Variants in MAGI2 observed in about 807,000 individuals in gnomAD.
MAGI2 encodes membrane associated guanylate kinase, WW and PDZ domain containing 2, also known as membrane-associated guanylate kinase, WW and PDZ domain-containing protein 2.
MAGI2 carries 35 observed loss-of-function variants against 133.3 expected under a neutral mutation model. That is an observed-to-expected ratio of 0.26 (90% confidence interval 0.20 to 0.35). The LOEUF (loss-of-function observed/expected upper bound fraction) is 0.35, where lower values mean the gene tolerates loss of function less well. Ranked by LOEUF, MAGI2 falls within the 10% of genes least tolerant of loss-of-function variation. The pLI is 1.00. For missense variants in MAGI2, 1,636 were observed against 1,863.4 expected (o/e 0.88, Z 2.25); for synonymous variants, 729 against 710.6 (o/e 1.03, Z -0.41).
chr7:78,672,030 G>T (rs1001980927), intron 2 of MAGI2, among the ~76,000 whole-genome samples: 2 of 152,116 alleles, frequency 1.3e-5, no homozygotes, highest in African/African-American at 4.8e-5. Context: ...TAGCTTGTAA[G>T]GCCCAAAATG....
At chr7:78,297,846 GA>G (rs1797431087) in intron 9 of MAGI2, among the ~76,000 whole-genome samples, 1 of 112,104 alleles carries the variant, frequency 8.9e-6, no homozygotes, top group African/African-American at 3.3e-5. Context: ...GGGGGAGGGG[GA>G]GGGGGGAGGG....
At chr7:78,286,859 A>C (rs144313125) in intron 9 of MAGI2, among the ~76,000 whole-genome samples, 13 of 152,272 alleles carry the variant, frequency 8.5e-5, no homozygotes, top group African/African-American at 2.9e-4. Flanking sequence ...TTTTCTGATA[A>C]AGACCAGGCA....
chr7:78,955,730 T>TTTC, intron 2 of MAGI2, among the ~76,000 whole-genome samples: 1 of 39,124 alleles, frequency 2.6e-5, no homozygotes, highest in African/African-American at 8.1e-5. Flanking sequence ...TTTCTCTTTC[T>TTTC]TTCTTTCTTT....
At chr7:78,408,804 A>G (rs1562956278) in intron 6 of MAGI2, among the ~76,000 whole-genome samples, 1 of 152,142 alleles carries the variant, frequency 6.6e-6, no homozygotes, top group Non-Finnish European at 1.5e-5. Flanking sequence ...AATGAGTTAA[A>G]TTAGATGTAT....
chr7:78,949,789 A>G (rs1438853801), intron 2 of MAGI2, among the ~76,000 whole-genome samples: 3 of 152,200 alleles, frequency 2.0e-5, no homozygotes, highest in Non-Finnish European at 4.4e-5. Flanking sequence ...ATGAAGGTGC[A>G]TCTCTCACAT....
intron 5 of MAGI2, among the ~76,000 whole-genome samples, chr7:78,497,773 T>TGTCTGTC (rs1794259068): frequency 2.0e-5 from 3 of 151,548 alleles, no homozygotes; most frequent in Non-Finnish European, 2.9e-5. Flanking sequence ...TCTTTCTATC[T>TGTCTGTC]TATACACAGA....
At chr7:79,028,156 G>A (rs1810087535) in intron 1 of MAGI2, among the ~76,000 whole-genome samples, 1 of 148,294 alleles carries the variant, frequency 6.7e-6, no homozygotes, top group Non-Finnish European at 1.5e-5. Context: ...AGGTTGCAGT[G>A]AACCAAAATC....
At chr7:79,193,216 C>G (rs1827818587) in intron 1 of MAGI2, among the ~76,000 whole-genome samples, 1 of 151,870 alleles carries the variant, frequency 6.6e-6, no homozygotes, top group Non-Finnish European at 1.5e-5. Flanking sequence ...GACCAAGGAA[C>G]CTTATCATAG....
intron 2 of MAGI2, among the ~76,000 whole-genome samples, chr7:78,668,005 C>A (rs1224407697): frequency 6.6e-6 from 1 of 152,082 alleles, no homozygotes; most frequent in East Asian, 1.9e-4. Flanking sequence ...ACAGTCCCAC[C>A]AACAGTGTAA....
rs185217796 is a variant in MAGI2, at chr7:79,228,361, A to T, written c.302-221155T>A. ...CTGTCTCAAAAAAACAGGCAAAAAA[A>T]AAAAAAAAAGATCGTGGGATTGTCT... is the stretch of plus-strand genomic sequence containing the variant. On this transcript the variant is annotated intron_variant, in intron 1 of 21. Coordinates refer to ENST00000354212, the MANE Select transcript of MAGI2 (RefSeq NM_012301.4). 2.5e-3 allele frequency among the ~76,000 whole-genome samples: 369 copies of T among 146,100 alleles called. 52 individuals are homozygous for T. The highest frequency in any genetic ancestry group is 4.1e-3 in the Non-Finnish European group (268 of 66,062).
intron 2 of MAGI2, among the ~76,000 whole-genome samples, chr7:78,750,237 T>A (rs778555020): frequency 2.6e-5 from 4 of 152,194 alleles, no homozygotes; most frequent in Non-Finnish European, 4.4e-5. Flanking sequence ...CTGGATAGTA[T>A]TCCATGGTGT....
At chr7:79,008,828 G>A (rs575797459) in intron 1 of MAGI2, 1 of 152,214 alleles carries the variant, frequency 6.6e-6, no homozygotes, top group East Asian at 1.9e-4. Flanking sequence ...CACTAAAATA[G>A]CTAATAGTTT....
rs529877040 is a variant in MAGI2 at position 79,078,238 on chromosome 7, A to G, written c.302-71032T>C. ...CAGCACTCAATGCATGTCTCAGGCT[A>G]TTTAAGTGTTCTCCACAGAGTTCTT... is the stretch of plus-strand genomic sequence containing the variant. On this transcript the variant is annotated intron_variant, in intron 1 of 21. Coordinates refer to ENST00000354212, the MANE Select transcript of MAGI2 (RefSeq NM_012301.4). Among the ~76,000 whole-genome samples, 16 of 152,322 alleles carry G rather than the reference A, an allele frequency of 1.1e-4. No homozygotes were observed. In the South Asian group the frequency reaches 2.7e-3, roughly 26 times the overall value.
chr7:78,233,555 T>G (rs1790201411), intron 10 of MAGI2, among the ~76,000 whole-genome samples: 1 of 152,086 alleles, frequency 6.6e-6, no homozygotes, highest in Non-Finnish European at 1.5e-5. Context: ...GGGGTAAATG[T>G]AGGCCCATAC....
chr7:78,479,101 A>C (rs2150450706), intron 6 of MAGI2, among the ~76,000 whole-genome samples: 1 of 152,098 alleles, frequency 6.6e-6, no homozygotes, highest in Non-Finnish European at 1.5e-5. Flanking sequence ...TCCTGGTCAA[A>C]TTTGGAAAAT....
intron 2 of MAGI2, among the ~76,000 whole-genome samples, chr7:78,702,688 T>TTCATG (rs1336129219): frequency 6.6e-6 from 1 of 152,012 alleles, no homozygotes; most frequent in African/African-American, 2.4e-5. Flanking sequence ...CCCCACCCCT[T>TTCATG]TCATGTGGGG....
chr7:78,594,301 T>G (rs1480374589), intron 3 of MAGI2, among the ~76,000 whole-genome samples: 4 of 152,214 alleles, frequency 2.6e-5, no homozygotes, highest in African/African-American at 7.2e-5. Context: ...CAGGCCTCTG[T>G]AACAACTATT....
chr7:79,032,919 A>G (rs1248874211), intron 1 of MAGI2, among the ~76,000 whole-genome samples: 2 of 149,134 alleles, frequency 1.3e-5, no homozygotes, highest in Non-Finnish European at 3.0e-5. Flanking sequence ...TCGTGGAGCT[A>G]TTCATTTACT....
intron 14 of MAGI2, among the ~76,000 whole-genome samples, chr7:78,172,058 C>G (rs945806768): frequency 4.6e-5 from 7 of 152,158 alleles, no homozygotes; most frequent in African/African-American, 1.7e-4. Flanking sequence ...TCTACTTTAT[C>G]TCTCGCTGTG....
Sources: allele counts gnomAD v4.1 joint callset (sites outside exome capture counted in the v4.1 genomes callset), GRCh38; gene constraint gnomAD v4.1.1; transcripts MANE v1.5; gene names NCBI Gene and HGNC (gene_info 2026-07-23, HGNC 2026-07-21).